Variants in IL18RAP observed in about 807,000 individuals in gnomAD.
The protein encoded by IL18RAP is interleukin-18 receptor accessory protein.
In IL18RAP, 37 loss-of-function variants were observed where a neutral mutation model predicts 58.1. The observed-to-expected ratio is 0.64, with a 90% CI of 0.49 to 0.84. The LOEUF (loss-of-function observed/expected upper bound fraction) is 0.84. Ranked by LOEUF, IL18RAP falls within the 40% of genes least tolerant of loss-of-function variation. The probability of loss-of-function intolerance (pLI) is 0.00; values close to 1 mark genes in which losing one functional copy is unlikely to be tolerated. For missense variants in IL18RAP, 667 were observed against 704.8 expected, an observed-to-expected ratio of 0.95 and a Z score of 0.61; for synonymous variants, 268 against 257.5, an observed-to-expected ratio of 1.04 and a Z score of -0.39.
In IL18RAP at chr2:102,452,249, T is replaced by A. The variant is rs1573310575; in HGVS notation, c.*68T>A. The A allele has an allele frequency of 4.3e-6, 6 of 1,404,856 alleles. No homozygotes were observed. Among genetic ancestry groups the A allele is most frequent in the Non-Finnish European group, 5.8e-6 (6 of 1,031,736 alleles). The allele number at this position is 1,404,856 out of a possible 1,614,324, so 87.0% of individuals were successfully genotyped here. A position where few individuals can be genotyped will look rare whatever the true frequency, so the allele number is the denominator to read the frequency against. ...GATGTTGCTGGACAGAACTCACAGC[T>A]CTGTGTGTGTGTGTTCAGGCTGATA... On this transcript the variant is annotated 3_prime_UTR_variant, in exon 10 of 10. Transcript: ENST00000687160.
rs76307837 is a variant in IL18RAP, at chr2:102,444,602, T to C, written c.921-587T>C. Among the ~76,000 whole-genome samples, 9 of 152,326 alleles carry C rather than the reference T, an allele frequency of 5.9e-5. No individual in the cohort carries two copies. The East Asian group carries it at 1.7e-3, about 29-fold the overall frequency. On this transcript the variant is annotated intron_variant, in intron 6 of 9. Transcript: ENST00000687160. ...GATTTCTTAACACAAAGATGGATTG[T>C]AGATTGGTAACTTCAGAGAACTCAA...
rs1290669312 is a variant in IL18RAP, at chr2:102,437,316, T to G, written c.684T>G (p.Thr228=). The G allele has an allele frequency of 1.2e-6, 2 of 1,613,372 alleles. No individual in the cohort carries two copies. Among genetic ancestry groups the G allele is most frequent in the South Asian group, 1.1e-5 (1 of 90,898 alleles). The change falls in exon 4 of 10, where the codon ACT becomes ACG. Residue 228 remains threonine (T), a synonymous_variant. Coordinates refer to ENST00000687160, the MANE Select transcript of IL18RAP (RefSeq NM_001393487.1). ...TATGTGATTACACTCAGTCGGATAC[T>G]GTGAGTTCGTGGACAGTCAGAGCTG... ...TYVCDYTQSD[T]VSSWTVRAVV... is the part of the protein sequence containing the mutation.
intron 8 of IL18RAP, among the ~76,000 whole-genome samples, chr2:102,449,349 G>T (rs1030472305): frequency 1.3e-5 from 2 of 152,174 alleles, no homozygotes; most frequent in Admixed American, 6.5e-5. Flanking sequence ...ATCCTTAAGA[G>T]AAATGTTTTT....
intron 1 of IL18RAP, 109 bp downstream of exon 1, chr2:102,423,456 C>T (rs892803438): frequency 3.1e-6 from 3 of 976,150 alleles, no homozygotes; most frequent in South Asian, 1.3e-5. Context: ...ACCTTTCCAT[C>T]CTACTATTAA....
intron 8 of IL18RAP, among the ~76,000 whole-genome samples, chr2:102,449,649 A>T (rs1487435376): frequency 6.6e-6 from 1 of 152,192 alleles, no homozygotes; most frequent in Non-Finnish European, 1.5e-5. Flanking sequence ...AATTTTAGAG[A>T]TGTAGAATGT....
At chr2:102,433,186 G>C (rs1391196184) in intron 3 of IL18RAP, among the ~76,000 whole-genome samples, 1 of 152,182 alleles carries the variant, frequency 6.6e-6, no homozygotes, top group Non-Finnish European at 1.5e-5. Flanking sequence ...TGACATGGCT[G>C]CTGGGTTGAT....
chr2:102,445,154 T>C (rs766088845), intron 6 of IL18RAP, 35 bp from the exon 7 acceptor site: 71 of 1,601,534 alleles, frequency 4.4e-5, no homozygotes, highest in Non-Finnish European at 6.1e-5. Context: ...CAATGTATGT[T>C]ACTGAATGGA....
chr2:102,450,575 G>T (rs1028384532), intron 8 of IL18RAP, among the ~76,000 whole-genome samples: 9 of 152,144 alleles, frequency 5.9e-5, no homozygotes, highest in Non-Finnish European at 1.0e-4. Flanking sequence ...AAACTCCTGA[G>T]TTCATGTGAC....
At chr2:102,450,381 G>C (rs1377803900) in intron 8 of IL18RAP, among the ~76,000 whole-genome samples, 7 of 151,998 alleles carry the variant, frequency 4.6e-5, no homozygotes, top group African/African-American at 1.4e-4. Flanking sequence ...TTTACATATG[G>C]GGATTCACAT....
intron 3 of IL18RAP, among the ~76,000 whole-genome samples, chr2:102,426,401 G>A (rs1427669796): frequency 1.3e-5 from 2 of 150,902 alleles, no homozygotes; most frequent in Admixed American, 6.6e-5. Context: ...TTTAATTGGC[G>A]AATTAAGAAC....
chr2:102,447,238 C>T (rs1683482745), intron 8 of IL18RAP, 31 bp downstream of exon 8: 1 of 1,602,224 alleles, frequency 6.2e-7, no homozygotes, highest in Non-Finnish European at 8.5e-7. Context: ...AGCCCTCTGA[C>T]TTTTCCTCTG....
intron 5 of IL18RAP, among the ~76,000 whole-genome samples, chr2:102,442,978 A>C (rs972362242): frequency 3.3e-5 from 5 of 152,202 alleles, no homozygotes; most frequent in African/African-American, 7.2e-5. Context: ...ACATATAGTC[A>C]TATGGTTGAG....
At chr2:102,447,706 T>TTATG (rs142110985) in intron 8 of IL18RAP, among the ~76,000 whole-genome samples, 31,899 of 149,190 alleles carry the variant, frequency 0.21, 3,944 homozygotes, top group African/African-American at 0.33. Context: ...ATTCATTCAT[T>TTATG]TATGTATGTA....
At chr2:102,448,960 CAA>C (rs10566180) in intron 8 of IL18RAP, among the ~76,000 whole-genome samples, 20,204 of 66,646 alleles carry the variant, frequency 0.3, 2,122 homozygotes, top group African/African-American at 0.33. Flanking sequence ...TACCCTATCT[CAA>C]AAAAAAAAAA....
At chr2:102,426,261 G>A (rs1681933485) in intron 3 of IL18RAP, among the ~76,000 whole-genome samples, 2 of 152,140 alleles carry the variant, frequency 1.3e-5, no homozygotes, top group Admixed American at 1.3e-4. Flanking sequence ...GGCACTGGCT[G>A]AGAGAATGAA....
intron 3 of IL18RAP, among the ~76,000 whole-genome samples, chr2:102,436,300 T>C (rs1682733344): frequency 1.3e-5 from 2 of 152,184 alleles, no homozygotes; most frequent in African/African-American, 4.8e-5. Flanking sequence ...CTTTATATGT[T>C]ATCACTGCGT....
intron 3 of IL18RAP, among the ~76,000 whole-genome samples, chr2:102,436,246 C>T (rs780469444): frequency 3.9e-5 from 6 of 152,176 alleles, no homozygotes; most frequent in Non-Finnish European, 7.3e-5. Flanking sequence ...CCCACCATTA[C>T]GTTCTCATGC....
intron 3 of IL18RAP, among the ~76,000 whole-genome samples, chr2:102,424,971 T>C (rs867468587): frequency 3.3e-5 from 5 of 152,156 alleles, no homozygotes; most frequent in Non-Finnish European, 7.3e-5. Flanking sequence ...CAATGACTTT[T>C]AGCTATGAAC....
chr2:102,440,261 G>A (rs983411308), intron 4 of IL18RAP: 1 of 152,358 alleles, frequency 6.6e-6, no homozygotes, highest in African/African-American at 2.4e-5. Flanking sequence ...TTGAAAGTAA[G>A]CAGTAGAGTA....
Sources: gnomAD v4.1 joint callset for allele counts (sites outside exome capture counted in the v4.1 genomes callset) on GRCh38, gnomAD v4.1.1 for gene constraint, MANE v1.5 for transcripts, NCBI Gene and HGNC (gene_info 2026-07-23, HGNC 2026-07-21) for gene names.